The following RARS2 variants were observed in gnomAD, a reference collection of about 807,000 sequenced individuals.
The protein encoded by RARS2 is probable arginine--tRNA ligase, mitochondrial.
A neutral mutation model predicts 88.5 loss-of-function variants in RARS2; 67 were observed. The observed-to-expected ratio is 0.76, with a 90% CI of 0.62 to 0.93. The LOEUF is 0.93. RARS2 is among the 40% of genes least tolerant of loss of function. RARS2 has a pLI of 0.00. For missense variants in RARS2, 664 were observed against 684.2 expected, an observed-to-expected ratio of 0.97 and a Z score of 0.33; for synonymous variants, 239 against 230.3, an observed-to-expected ratio of 1.04 and a Z score of -0.34.
At chr6:87,518,769 G>A in intron 15 of RARS2, 30 bp from the exon 16 acceptor site, 1 of 1,611,384 alleles carries the variant, frequency 6.2e-7, no homozygotes, top group Non-Finnish European at 8.5e-7. Context: ...CTTCACTGCT[G>A]GGATTTGCTC....
At position 87,528,242 on chromosome 6, in the gene RARS2, C is replaced by CAA. The variant is rs71018029; in HGVS notation, c.878+1298_878+1299dup. 6.3e-4 allele frequency among the ~76,000 whole-genome samples: 75 copies of CAA among 119,692 alleles called. No homozygotes were observed. In the East Asian group the frequency reaches 0.017, roughly 27 times the overall value. 78.5% of individuals were successfully genotyped at this position (119,692 alleles called of 152,430 possible). A position where few individuals can be genotyped will look rare whatever the true frequency, so the allele number is the denominator to read the frequency against. On this transcript the variant is annotated intron_variant, in intron 10 of 19. Transcript: ENST00000369536. ...ACACTTGTTAAGATGGCTTTTATAA[C>CAA]AAAAAAAAAAAAAAAAAAGATAAAT...
intron 11 of RARS2, 148 bp downstream of exon 11, chr6:87,524,409 A>T: frequency 1.4e-6 from 1 of 710,396 alleles, no homozygotes; most frequent in Non-Finnish European, 2.5e-6. Context: ...AAATACTTTT[A>T]GTTGATTATG....
rs1230343126 is a variant in RARS2, at chr6:87,514,955, AC to A, written c.1650+1del. The A allele has an allele frequency of 1.9e-6, 3 of 1,605,496 alleles. No individual in the cohort carries two copies. In the African/African-American group the frequency reaches 4.0e-5, roughly 22 times the overall value. On this transcript the variant is annotated splice_donor_variant, in intron 19 of 19. Transcript: ENST00000369536. LOFTEE classifies it high-confidence loss of function. Reference sequence around the variant, plus strand: ...ATACAGAAAACATTCAACATAACGTACCCCAGCCACTTCAGGAGGACTATCT... The same window carrying A: ...ATACAGAAAACATTCAACATAACGTACCCAGCCACTTCAGGAGGACTATCT...
intron 5 of RARS2, among the ~76,000 whole-genome samples, chr6:87,549,494 T>G (rs1158044642): frequency 6.6e-6 from 1 of 151,652 alleles, no homozygotes; most frequent in Non-Finnish European, 1.5e-5. Context: ...AAAGTTACAG[T>G]GAACTACGAT....
chr6:87,554,535 T>C (rs1174580019), intron 5 of RARS2, among the ~76,000 whole-genome samples: 1 of 152,202 alleles, frequency 6.6e-6, no homozygotes, highest in Non-Finnish European at 1.5e-5. Context: ...CAGCTCACTG[T>C]AACCTTGAAT....
chr6:87,576,274 C>CT (rs55999428), intron 1 of RARS2, among the ~76,000 whole-genome samples: 16,634 of 80,726 alleles, frequency 0.21, 5,321 homozygotes, highest in African/African-American at 0.44. Flanking sequence ...ACACAAATTT[C>CT]TTTTTTTTTT....
intron 1 of RARS2, among the ~76,000 whole-genome samples, chr6:87,574,501 T>G (rs1770777127): frequency 6.6e-6 from 1 of 152,104 alleles, no homozygotes; most frequent in Non-Finnish European, 1.5e-5. Flanking sequence ...GGGGCAGAGC[T>G]GTCAAGCATG....
chr6:87,575,820 T>G (rs549444849), intron 1 of RARS2, among the ~76,000 whole-genome samples: 5 of 143,044 alleles, frequency 3.5e-5, no homozygotes, highest in Admixed American at 7.0e-5. Context: ...TGTGGATAAA[T>G]TTTTTTTTTT....
At chr6:87,549,885 G>C (rs1184458988) in intron 5 of RARS2, among the ~76,000 whole-genome samples, 2 of 152,128 alleles carry the variant, frequency 1.3e-5, no homozygotes, top group Non-Finnish European at 2.9e-5. Flanking sequence ...TGAACATATG[G>C]GGGTTAATTA....
chr6:87,548,349 CA>C (rs1359913462), intron 6 of RARS2, among the ~76,000 whole-genome samples: 1 of 152,180 alleles, frequency 6.6e-6, no homozygotes, highest in Non-Finnish European at 1.5e-5. Context: ...AGTTAAAAAT[CA>C]TAACATATAT....
In RARS2 at chr6:87,572,643, T is replaced by C. The variant is rs112129832; in HGVS notation, c.37-3053A>G. ...AGCGGCTCACAATCATACTTCACTGTAGCCTCGACCTCCTGGTCTCAAATG... is the reference window on the plus strand; with the variant it reads ...AGCGGCTCACAATCATACTTCACTGCAGCCTCGACCTCCTGGTCTCAAATG... On this transcript the variant is annotated intron_variant, in intron 1 of 19. Transcript: ENST00000369536. Among the ~76,000 whole-genome samples the C allele has an allele frequency of 4.3e-3, 651 of 152,226 alleles. 8 individuals are homozygous for C. Among genetic ancestry groups the C allele is most frequent in the African/African-American group, 0.015 (611 of 41,546 alleles).
At chr6:87,516,159 T>TA (rs964834293) in intron 18 of RARS2, among the ~76,000 whole-genome samples, 57 of 151,076 alleles carry the variant, frequency 3.8e-4, no homozygotes, top group African/African-American at 1.4e-3. Flanking sequence ...TTACAGAAGA[T>TA]ACAGCTGCTG....
intron 1 of RARS2, among the ~76,000 whole-genome samples, chr6:87,586,714 A>C (rs774246133): frequency 1.3e-4 from 20 of 152,156 alleles, no homozygotes; most frequent in Non-Finnish European, 2.9e-4. Flanking sequence ...ACATTCCTTC[A>C]TTCCTAAACT....
intron 3 of RARS2, 104 bp downstream of exon 3, chr6:87,564,026 G>A: frequency 3.6e-6 from 3 of 842,528 alleles, no homozygotes; most frequent in Non-Finnish European, 6.0e-6. Flanking sequence ...ATGCCTCAAA[G>A]AAACACTATT....
chr6:87,539,130 T>C (rs1263470607), intron 8 of RARS2, among the ~76,000 whole-genome samples: 2 of 152,170 alleles, frequency 1.3e-5, no homozygotes, highest in Non-Finnish European at 2.9e-5. Flanking sequence ...CAAGATTAAA[T>C]AAAAACTTTT....
At position 87,524,566 on chromosome 6, in the gene RARS2, TAG is replaced by T. The variant is rs773838753; in HGVS notation, c.963_964del (p.Tyr322CysfsTer16). ...CACAGAGGCTACAAACCTGGTTGCATAGAGAGAAGTCCCATCACTTCGCATTA... is the reference window on the plus strand; with the variant it reads ...CACAGAGGCTACAAACCTGGTTGCATAGAGAAGTCCCATCACTTCGCATTA... On this transcript the variant is annotated frameshift_variant, in exon 11 of 20. Coordinates refer to ENST00000369536, the MANE Select transcript of RARS2 (RefSeq NM_020320.5). LOFTEE classifies it high-confidence loss of function. 44 of 1,609,166 alleles carry T rather than the reference TAG, an allele frequency of 2.7e-5. No homozygotes were observed. The highest frequency in any genetic ancestry group is 1.6e-4 in the Middle Eastern group (1 of 6,080).
chr6:87,564,784 C>T (rs1225802892), intron 2 of RARS2: 1 of 184,452 alleles, frequency 5.4e-6, no homozygotes, highest in Non-Finnish European at 1.1e-5. Context: ...AAAATTCTTC[C>T]TCTTCTGTCT....
At chr6:87,563,273 A>C (rs1276808611) in intron 3 of RARS2, among the ~76,000 whole-genome samples, 1 of 152,220 alleles carries the variant, frequency 6.6e-6, no homozygotes. Flanking sequence ...TCTCATGAAA[A>C]ACCTATGGAA....
At position 87,580,887 on chromosome 6, in the gene RARS2, A is replaced by T. The variant is rs1582873511; in HGVS notation, c.36+9035T>A. ...CAGAGATTCTAATATGTAATATAAG[A>T]ATGGCTAATATGTAGTGAGTGCTTA... On this transcript the variant is annotated intron_variant, in intron 1 of 19. Transcript: ENST00000369536. 2.6e-5 allele frequency among the ~76,000 whole-genome samples: 4 copies of T among 152,302 alleles called. No homozygotes were observed. In the South Asian group the frequency reaches 8.3e-4, roughly 32 times the overall value.
Sources: allele counts gnomAD v4.1 joint callset (sites outside exome capture counted in the v4.1 genomes callset), GRCh38; gene constraint gnomAD v4.1.1; transcripts MANE v1.5; gene names NCBI Gene and HGNC (gene_info 2026-07-23, HGNC 2026-07-21).